Variants in GALNT2 observed in about 807,000 individuals in gnomAD.
GALNT2 encodes UDP-GalNAc:polypeptide N-acetylgalactosaminyltransferase 2.
GALNT2 carries 31 observed loss-of-function variants against 81.4 expected under a neutral mutation model. The ratio of observed to expected loss-of-function variants is 0.38; its 90% CI spans 0.29 to 0.51. The LOEUF (loss-of-function observed/expected upper bound fraction) is 0.51. Among genes scored for constraint, GALNT2 ranks in the 20% least tolerant of loss-of-function variants. GALNT2 has a pLI of 0.87. For synonymous variants in GALNT2, 303 were observed against 287.4 expected, an observed-to-expected ratio of 1.05 and a Z score of -0.55; for missense variants, 629 against 765.7, an observed-to-expected ratio of 0.82 and a Z score of 2.11.
chr1:230,253,022 A>G (rs766277559), intron 10 of GALNT2, among the ~76,000 whole-genome samples: 5 of 151,398 alleles, frequency 3.3e-5, no homozygotes, highest in Non-Finnish European at 7.4e-5. Flanking sequence ...AATTTTTTGT[A>G]TTTTTAGTAG....
intron 1 of GALNT2, among the ~76,000 whole-genome samples, chr1:230,119,725 G>GTTT (rs1431515860): frequency 2.6e-5 from 4 of 152,146 alleles, no homozygotes; most frequent in Non-Finnish European, 5.9e-5. Context: ...TTATTTATCA[G>GTTT]TTTCTAGTCA....
chr1:230,235,020 C>T (rs976197458), intron 3 of GALNT2, among the ~76,000 whole-genome samples: 18 of 151,860 alleles, frequency 1.2e-4, no homozygotes, highest in Admixed American at 3.3e-4. Context: ...TCGAGACCAG[C>T]CTGAGCAACA....
chr1:230,237,805 G>A (rs1416174011), intron 6 of GALNT2, among the ~76,000 whole-genome samples: 3 of 150,078 alleles, frequency 2.0e-5, no homozygotes, highest in African/African-American at 7.4e-5. Flanking sequence ...TAAACCCAAA[G>A]TATCTGCCAT....
intron 1 of GALNT2, among the ~76,000 whole-genome samples, chr1:230,145,732 G>A (rs527621902): frequency 3.3e-5 from 5 of 152,348 alleles, no homozygotes; most frequent in African/African-American, 7.2e-5. Context: ...AAGCCCAGAC[G>A]TCAGGCAGGC....
chr1:230,198,025 A>G (rs527426201), intron 2 of GALNT2, among the ~76,000 whole-genome samples: 62 of 152,350 alleles, frequency 4.1e-4, no homozygotes, highest in African/African-American at 1.4e-3. Context: ...GCAAGACCAC[A>G]GCACGTCTCA....
chr1:230,265,611 G>C (rs1025488267), intron 14 of GALNT2, among the ~76,000 whole-genome samples: 2 of 152,176 alleles, frequency 1.3e-5, no homozygotes, highest in South Asian at 2.1e-4. Context: ...CAGCGGCAAG[G>C]GTGCACTGGT....
intron 1 of GALNT2, among the ~76,000 whole-genome samples, chr1:230,094,968 G>T (rs1261503372): frequency 6.6e-6 from 1 of 152,134 alleles, no homozygotes; most frequent in East Asian, 1.9e-4. Context: ...GATGCAAGTG[G>T]ACCTCTAAGC....
At chr1:230,149,161 G>T (rs1349392810) in intron 1 of GALNT2, among the ~76,000 whole-genome samples, 1 of 152,226 alleles carries the variant, frequency 6.6e-6, no homozygotes, top group African/African-American at 2.4e-5. Flanking sequence ...GATTACAGGC[G>T]TGAGCCACTG....
At chr1:230,225,091 A>G (rs774085899) in intron 3 of GALNT2, among the ~76,000 whole-genome samples, 3 of 152,342 alleles carry the variant, frequency 2.0e-5, no homozygotes, top group Admixed American at 6.5e-5. Flanking sequence ...AAAGACCTCT[A>G]TAGAAATAAA....
chr1:230,134,427 T>G (rs1661471758), intron 1 of GALNT2, among the ~76,000 whole-genome samples: 1 of 152,164 alleles, frequency 6.6e-6, no homozygotes, highest in Non-Finnish European at 1.5e-5. Flanking sequence ...TTTTGAGAAG[T>G]GCAGCTCTAA....
intron 1 of GALNT2, among the ~76,000 whole-genome samples, chr1:230,101,874 C>T (rs1038157234): frequency 4.6e-5 from 7 of 152,128 alleles, no homozygotes; most frequent in African/African-American, 1.4e-4. Flanking sequence ...AAGGACAGTC[C>T]GTAGGAGAGA....
In GALNT2 at chr1:230,067,355, G is replaced by A; in HGVS notation, c.75G>A (p.Ser25=). The change falls in exon 1 of 16, where the codon TCG becomes TCA. Residue 25 remains serine, a synonymous_variant. Coordinates refer to ENST00000366672, the MANE Select transcript of GALNT2 (RefSeq NM_004481.5). ...WVLGIAYYMY[S]GGGSALAGGA... ...TGGGCATCGCCTACTACATGTACTCGGGGGGCGGCTCTGCGCTGGCCGGGG... is the reference window on the plus strand; with the variant it reads ...TGGGCATCGCCTACTACATGTACTCAGGGGGCGGCTCTGCGCTGGCCGGGG... 7.3e-7 allele frequency: 1 copy of A among 1,368,538 alleles called. No homozygotes were observed. Among genetic ancestry groups the A allele is most frequent in the Non-Finnish European group, 9.5e-7 (1 of 1,048,312 alleles). 84.8% of individuals were successfully genotyped at this position (1,368,538 alleles called of 1,614,324 possible). A position where few individuals can be genotyped will look rare whatever the true frequency, so the allele number is the denominator to read the frequency against.
At chr1:230,128,625 G>A (rs1323961734) in intron 1 of GALNT2, among the ~76,000 whole-genome samples, 1 of 151,274 alleles carries the variant, frequency 6.6e-6, no homozygotes, top group Non-Finnish European at 1.5e-5. Flanking sequence ...TGTGGCGGGG[G>A]CGGGGGTGGT....
intron 1 of GALNT2, among the ~76,000 whole-genome samples, chr1:230,174,627 C>G (rs1242944452): frequency 6.6e-6 from 1 of 152,080 alleles, no homozygotes; most frequent in African/African-American, 2.4e-5. Context: ...TGCTGCATTG[C>G]CAGCCCCTCC....
At chr1:230,261,200 G>A (rs1208644990) in intron 11 of GALNT2, among the ~76,000 whole-genome samples, 1 of 151,806 alleles carries the variant, frequency 6.6e-6, no homozygotes, top group Admixed American at 6.6e-5. Flanking sequence ...GAGCTGCTGG[G>A]TCAGAGAATA....
chr1:230,058,756 C>T (rs1326879423), intron 1 of GALNT2, among the ~76,000 whole-genome samples: 2 of 152,202 alleles, frequency 1.3e-5, no homozygotes, highest in Non-Finnish European at 2.9e-5. Context: ...CAAGCAATTT[C>T]TGGGAAGACA....
In GALNT2 at chr1:230,279,157, G is replaced by A; in HGVS notation, c.1561-146G>A. 1 of 787,722 alleles carries A rather than the reference G, an allele frequency of 1.3e-6. No individual in the cohort carries two copies. Among genetic ancestry groups the A allele is most frequent in the Non-Finnish European group, 1.9e-6 (1 of 516,080 alleles). 48.8% of individuals were successfully genotyped at this position (787,722 alleles called of 1,614,324 possible). ...CTGGTTTCCTGTGGGGCTGCTGCAA[G>A]CTCCTCGGCCGTTCAGATGAGAGGC... is the stretch of plus-strand genomic sequence containing the variant. On this transcript the variant is annotated intron_variant, in intron 15 of 15. Coordinates refer to ENST00000366672, the MANE Select transcript of GALNT2 (RefSeq NM_004481.5). The surrounding 1 kb of genome is among the most constrained non-coding windows in gnomAD (Gnocchi z 4.6).
intron 3 of GALNT2, among the ~76,000 whole-genome samples, chr1:230,232,646 C>G (rs1469694840): frequency 6.6e-6 from 1 of 152,238 alleles, no homozygotes; most frequent in East Asian, 1.9e-4. Flanking sequence ...GGATAGCTGC[C>G]TCCTAACGCG....
At chr1:230,191,996 G>A (rs541000327) in intron 2 of GALNT2, among the ~76,000 whole-genome samples, 1 of 152,350 alleles carries the variant, frequency 6.6e-6, no homozygotes, top group South Asian at 2.1e-4. Flanking sequence ...AGTTCCTTCT[G>A]AGTCCAACAA....
Sources: allele counts gnomAD v4.1 joint callset (sites outside exome capture counted in the v4.1 genomes callset), GRCh38; gene constraint gnomAD v4.1.1; non-coding constraint Gnocchi (gnomAD v3.1); transcripts MANE v1.5; gene names NCBI Gene and HGNC (gene_info 2026-07-23, HGNC 2026-07-21).